The following REEP1 variants were observed in gnomAD, a reference collection of about 807,000 sequenced individuals.
The protein encoded by REEP1 is receptor expression-enhancing protein 1.
REEP1 carries 22 observed loss-of-function variants against 40.3 expected under a neutral mutation model. The ratio of observed to expected loss-of-function variants is 0.55; its 90% CI spans 0.39 to 0.78. The LOEUF (loss-of-function observed/expected upper bound fraction) is 0.78. REEP1 is among the 30% of genes least tolerant of loss of function. The pLI is 0.00. For missense variants in REEP1, 280 were observed against 361.1 expected (o/e 0.78, Z 1.82); for synonymous variants, 116 against 139.2 (o/e 0.83, Z 1.17).
intron 6 of REEP1, among the ~76,000 whole-genome samples, chr2:86,227,897 C>G (rs1674802508): frequency 6.6e-6 from 1 of 152,180 alleles, no homozygotes; most frequent in African/African-American, 2.4e-5. Flanking sequence ...TAAATACATG[C>G]TCACTGAGTG....
intron 1 of REEP1, among the ~76,000 whole-genome samples, chr2:86,294,681 A>G (rs1407485186): frequency 6.6e-6 from 1 of 152,116 alleles, no homozygotes; most frequent in African/African-American, 2.4e-5. Flanking sequence ...ATTATGTTCT[A>G]TTAAGAAGTT....
chr2:86,227,204 T>C (rs1674754379), intron 7 of REEP1, among the ~76,000 whole-genome samples, 159 bp downstream of exon 7: 1 of 152,218 alleles, frequency 6.6e-6, no homozygotes, highest in South Asian at 2.1e-4. Context: ...ACAGGAACTG[T>C]AAGCTACTGT....
At chr2:86,244,735 C>T (rs892652540) in intron 5 of REEP1, among the ~76,000 whole-genome samples, 55 of 152,168 alleles carry the variant, frequency 3.6e-4, no homozygotes, top group African/African-American at 1.3e-3. Context: ...GGGTGAAAAA[C>T]AGGCAAAGGA....
intron 1 of REEP1, among the ~76,000 whole-genome samples, chr2:86,308,726 T>A (rs879591865): frequency 6.6e-6 from 1 of 152,232 alleles, no homozygotes; most frequent in Non-Finnish European, 1.5e-5. Flanking sequence ...ACTCAGCCTC[T>A]CTGCTCTTCT....
chr2:86,284,489 C>T lies in REEP1; in HGVS notation c.33-2247G>A, dbSNP rs113997690. Reference sequence around the variant, plus strand: ...GCCAAAGCCAGCACCATCCAGGGAACGCTCGTGACCTTGGGACTGAGGTCT... The same window carrying T: ...GCCAAAGCCAGCACCATCCAGGGAATGCTCGTGACCTTGGGACTGAGGTCT... On this transcript the variant is annotated intron_variant, in intron 1 of 8. Transcript: ENST00000538924. 3.3e-3 allele frequency among the ~76,000 whole-genome samples: 508 copies of T among 152,278 alleles called. 4 individuals are homozygous for T. The highest frequency in any genetic ancestry group is 0.011 in the African/African-American group (464 of 41,542).
chr2:86,326,178 T>C (rs117833925), intron 1 of REEP1, among the ~76,000 whole-genome samples: 4,587 of 152,246 alleles, frequency 0.03, 120 homozygotes, highest in East Asian at 0.07. Flanking sequence ...CAGTGACTGG[T>C]TATGTGACCT....
chr2:86,318,410 T>G (rs527640401), intron 1 of REEP1, among the ~76,000 whole-genome samples: 9 of 150,384 alleles, frequency 6.0e-5, no homozygotes, highest in African/African-American at 1.9e-4. Context: ...CTTTTTTTTT[T>G]TTTTTTGAGA....
chr2:86,327,253 C>A (rs1680551478), intron 1 of REEP1, among the ~76,000 whole-genome samples: 1 of 152,108 alleles, frequency 6.6e-6, no homozygotes, highest in African/African-American at 2.4e-5. Context: ...ATTTTCACTT[C>A]TTTGCTTTAT....
At chr2:86,293,203 CA>C in intron 1 of REEP1, among the ~76,000 whole-genome samples, 1 of 152,370 alleles carries the variant, frequency 6.6e-6, no homozygotes, top group South Asian at 2.1e-4. Flanking sequence ...GAGCTGGATT[CA>C]AATGCTCTAT....
intron 5 of REEP1, among the ~76,000 whole-genome samples, chr2:86,242,472 G>C (rs1325665839): frequency 6.6e-6 from 1 of 152,152 alleles, no homozygotes; most frequent in African/African-American, 2.4e-5. Context: ...TTCTACCTGG[G>C]ATCAGAGGAG....
intron 1 of REEP1, among the ~76,000 whole-genome samples, chr2:86,296,275 C>G (rs1465274782): frequency 1.3e-5 from 2 of 152,218 alleles, no homozygotes; most frequent in African/African-American, 4.8e-5. Context: ...TATCCATTTG[C>G]ACATACAAAA....
intron 1 of REEP1, among the ~76,000 whole-genome samples, chr2:86,286,867 G>A (rs1211026616): frequency 6.6e-6 from 1 of 152,040 alleles, no homozygotes; most frequent in African/African-American, 2.4e-5. Context: ...ATCCCAAATT[G>A]TGCTAAAAAT....
At chr2:86,330,870 C>A (rs901689655) in intron 1 of REEP1, among the ~76,000 whole-genome samples, 7 of 152,180 alleles carry the variant, frequency 4.6e-5, no homozygotes, top group African/African-American at 1.7e-4. Context: ...AAGAAATAAA[C>A]CTTTGTTTTC....
At chr2:86,248,908 C>A (rs1333105174) in intron 5 of REEP1, among the ~76,000 whole-genome samples, 3 of 152,094 alleles carry the variant, frequency 2.0e-5, no homozygotes, top group Non-Finnish European at 2.9e-5. Context: ...CTAATTATTC[C>A]CCTTGGGTAA....
intron 1 of REEP1, among the ~76,000 whole-genome samples, chr2:86,288,177 C>T (rs938991539): frequency 6.6e-6 from 1 of 151,932 alleles, no homozygotes; most frequent in African/African-American, 2.4e-5. Flanking sequence ...CGTGAGCCAC[C>T]ATGCCTGGCT....
chr2:86,239,860 G>T (rs150693496), intron 5 of REEP1: 1 of 152,266 alleles, frequency 6.6e-6, no homozygotes, highest in African/African-American at 2.4e-5. Context: ...GCCTGGCTCC[G>T]TGTGCCCCAC....
rs1390001649 is a variant in REEP1, at chr2:86,254,709, T to C, written c.288A>G (p.Leu96=). 3.1e-6 allele frequency: 5 copies of C among 1,613,742 alleles called. No homozygotes were observed. Among genetic ancestry groups the C allele is most frequent in the East Asian group, 2.2e-5 (1 of 44,888 alleles). The change falls in exon 4 of 9, where the codon CTA becomes CTG. Residue 96 remains leucine, a synonymous_variant. Transcript: ENST00000538924. ...CATATATTACCTTTTCTTTTGAAGA[T>C]AGCGTGGGATGTACAAACTTCCTGT... ...LLYRKFVHPT[L]SSKEKEIDDC... is the part of the protein sequence containing the mutation.
chr2:86,257,636 CTTTT>C (rs58647410), intron 3 of REEP1, among the ~76,000 whole-genome samples: 1 of 133,778 alleles, frequency 7.5e-6, no homozygotes, highest in Non-Finnish European at 1.6e-5. Context: ...CCTCACTCAT[CTTTT>C]TTTTTTTTTT....
At chr2:86,277,555 C>CAAA (rs546202828) in intron 2 of REEP1, among the ~76,000 whole-genome samples, 2 of 118,232 alleles carry the variant, frequency 1.7e-5, no homozygotes, top group Non-Finnish European at 3.4e-5. Flanking sequence ...GACTCTGTAT[C>CAAA]AAAAAAAAAA....
Sources: gnomAD v4.1 joint callset for allele counts (sites outside exome capture counted in the v4.1 genomes callset) on GRCh38, gnomAD v4.1.1 for gene constraint, MANE v1.5 for transcripts, NCBI Gene and HGNC (gene_info 2026-07-23, HGNC 2026-07-21) for gene names.